DNAJC8: variants seen among roughly 807,000 people sequenced by gnomAD.
DNAJC8 encodes the protein DnaJ heat shock protein family (Hsp40) member C8.
Under a neutral mutation model 43.2 loss-of-function variants are expected in DNAJC8, and 24 were observed. The ratio of observed to expected loss-of-function variants is 0.56; its 90% CI spans 0.40 to 0.78. The LOEUF is 0.78. Among genes scored for constraint, DNAJC8 ranks in the 30% least tolerant of loss-of-function variants. The probability of loss-of-function intolerance (pLI) is 0.00; values close to 1 mark genes in which losing one functional copy is unlikely to be tolerated. For missense variants in DNAJC8, 207 were observed against 299.4 expected (o/e 0.69, Z 2.28); for synonymous variants, 83 against 98.0 (o/e 0.85, Z 0.90).
intron 2 of DNAJC8, among the ~76,000 whole-genome samples, chr1:28,227,352 G>A (rs1467218758): frequency 2.1e-5 from 3 of 145,216 alleles, no homozygotes; most frequent in Non-Finnish European, 3.0e-5. Flanking sequence ...GAGGTGCAGT[G>A]AGCCAAGATT....
In DNAJC8 at chr1:28,209,966, A is replaced by T; in HGVS notation, c.399+6T>A. ...CTGTAAACACAGCAGCACTATAAAT[A>T]CTTACAGTGTGTTCCACGTATTCTT... On this transcript the variant is annotated splice_donor_region_variant and intron_variant, in intron 5 of 8. Coordinates refer to ENST00000263697, the MANE Select transcript of DNAJC8 (RefSeq NM_014280.3). 6.2e-7 allele frequency: 1 copy of T among 1,613,268 alleles called. No individual in the cohort carries two copies. Among genetic ancestry groups the T allele is most frequent in the Non-Finnish European group, 8.5e-7 (1 of 1,179,344 alleles).
chr1:28,232,704 G>A (rs1466358777), intron 1 of DNAJC8, among the ~76,000 whole-genome samples: 1 of 152,176 alleles, frequency 6.6e-6, no homozygotes, highest in African/African-American at 2.4e-5. Flanking sequence ...CACCTCCCTC[G>A]ATAGATCGAA....
At position 28,217,978 on chromosome 1, in the gene DNAJC8, T is replaced by C. The variant is rs12047665; in HGVS notation, c.181-2982A>G. On this transcript the variant is annotated intron_variant, in intron 2 of 8. Transcript: ENST00000263697. ...GGATTTTGGGGACAGTTGGGCCCAT[T>C]TGCATGTGGACTGTATGCTGGATGA... 7.7e-3 allele frequency among the ~76,000 whole-genome samples: 1,166 copies of C among 152,094 alleles called. 27 individuals carry two copies. Among genetic ancestry groups the C allele is most frequent in the African/African-American group, 0.027 (1,109 of 41,392 alleles).
intron 3 of DNAJC8, among the ~76,000 whole-genome samples, chr1:28,211,304 A>C (rs1188086162): frequency 6.6e-6 from 1 of 152,238 alleles, no homozygotes; most frequent in Non-Finnish European, 1.5e-5. Context: ...CCAAAATCCA[A>C]AAGGCTCCAA....
intron 1 of DNAJC8, among the ~76,000 whole-genome samples, chr1:28,229,767 C>A (rs1353999767): frequency 2.7e-5 from 4 of 149,850 alleles, no homozygotes; most frequent in African/African-American, 7.4e-5. Context: ...CAGCGAGACT[C>A]CGTCTCAAAA....
intron 3 of DNAJC8, among the ~76,000 whole-genome samples, chr1:28,212,166 T>TAAATAA (rs1443725936): frequency 0.014 from 325 of 23,862 alleles, 14 homozygotes; most frequent in Non-Finnish European, 0.024. Flanking sequence ...AATAAATAAA[T>TAAATAA]AAATATATAT....
intron 3 of DNAJC8, among the ~76,000 whole-genome samples, chr1:28,213,480 C>T (rs1646829264): frequency 6.6e-6 from 1 of 151,662 alleles, no homozygotes; most frequent in African/African-American, 2.4e-5. Context: ...AACTGTAGAT[C>T]AGAAAATGAC....
chr1:28,212,138 A>C (rs1446910625), intron 3 of DNAJC8, among the ~76,000 whole-genome samples: 1 of 139,152 alleles, frequency 7.2e-6, no homozygotes, highest in Non-Finnish European at 1.5e-5. Flanking sequence ...CCTGGGTGAC[A>C]GAGCCGGACT....
chr1:28,200,442 T>C lies in DNAJC8; in HGVS notation c.*806A>G, dbSNP rs757543826. Reference sequence around the variant, plus strand: ...TGCAGTAATTCATATTCCCATTTCATAGATGAAGAAACTAAGGTTCAGCCA... The same window carrying C: ...TGCAGTAATTCATATTCCCATTTCACAGATGAAGAAACTAAGGTTCAGCCA... On this transcript the variant is annotated 3_prime_UTR_variant, in exon 9 of 9. Transcript: ENST00000263697. 4.4e-6 allele frequency: 2 copies of C among 454,894 alleles called. No individual in the cohort carries two copies. Among genetic ancestry groups the C allele is most frequent in the Non-Finnish European group, 8.8e-6 (2 of 226,404 alleles). 28.2% of individuals were successfully genotyped at this position (454,894 alleles called of 1,614,324 possible).
chr1:28,200,966 T>C lies in DNAJC8; in HGVS notation c.*282A>G. On this transcript the variant is annotated 3_prime_UTR_variant, in exon 9 of 9. Coordinates refer to ENST00000263697, the MANE Select transcript of DNAJC8 (RefSeq NM_014280.3). ...CACAATTCAGTGAAGTACAAAACACTGAGTTACAGGCTGTGGGAAGAGAAG... is the reference window on the plus strand; with the variant it reads ...CACAATTCAGTGAAGTACAAAACACCGAGTTACAGGCTGTGGGAAGAGAAG... 2.2e-6 allele frequency: 1 copy of C among 446,102 alleles called. No individual in the cohort carries two copies. 27.6% of individuals were successfully genotyped at this position (446,102 alleles called of 1,614,324 possible).
At chr1:28,216,682 G>A (rs1344422223) in intron 2 of DNAJC8, among the ~76,000 whole-genome samples, 1 of 151,994 alleles carries the variant, frequency 6.6e-6, no homozygotes, top group Non-Finnish European at 1.5e-5. Context: ...AGATTTTGGG[G>A]ACAGCTGGGC....
At chr1:28,211,078 G>A (rs1410383806) in intron 3 of DNAJC8, among the ~76,000 whole-genome samples, 1 of 152,172 alleles carries the variant, frequency 6.6e-6, no homozygotes, top group African/African-American at 2.4e-5. Context: ...GGAAGCTAAC[G>A]TGGGAGAATC....
intron 2 of DNAJC8, among the ~76,000 whole-genome samples, chr1:28,217,399 T>A (rs1219151379): frequency 6.6e-6 from 1 of 151,962 alleles, no homozygotes; most frequent in Non-Finnish European, 1.5e-5. Flanking sequence ...GGCAGGGAGA[T>A]CACTTGAGGC....
At chr1:28,214,085 ATT>A (rs201545471) in intron 3 of DNAJC8, among the ~76,000 whole-genome samples, 2 of 150,056 alleles carry the variant, frequency 1.3e-5, no homozygotes, top group Non-Finnish European at 3.0e-5. Flanking sequence ...AACTGGAAGG[ATT>A]TTTTTTTTAA....
chr1:28,222,954 T>A (rs1646908969), intron 2 of DNAJC8, among the ~76,000 whole-genome samples: 1 of 152,030 alleles, frequency 6.6e-6, no homozygotes, highest in South Asian at 2.1e-4. Context: ...GAGGAAAGCA[T>A]CCGTGTGGAA....
intron 8 of DNAJC8, 86 bp downstream of exon 8, chr1:28,203,661 G>C: frequency 7.5e-7 from 1 of 1,337,532 alleles, no homozygotes; most frequent in African/African-American, 1.4e-5. Flanking sequence ...ACTCCCCTCT[G>C]ACTGCCCCAC....
At chr1:28,205,179 C>G (rs1381319879) in intron 7 of DNAJC8, 79 bp downstream of exon 7, 1 of 1,093,126 alleles carries the variant, frequency 9.1e-7, no homozygotes, top group African/African-American at 1.6e-5. Context: ...ATAATTCCCT[C>G]ATTAGGAAAA....
intron 1 of DNAJC8, among the ~76,000 whole-genome samples, chr1:28,229,252 G>A (rs1242535097): frequency 1.3e-5 from 2 of 152,152 alleles, no homozygotes; most frequent in Non-Finnish European, 2.9e-5. Flanking sequence ...AGATACTGCT[G>A]TTATACCCAA....
chr1:28,221,808 A>G lies in DNAJC8; in HGVS notation c.181-6812T>C, dbSNP rs545381834. ...TTTATACATCCATGTTTATAGCAAC[A>G]CTTTTCTCAATAGCTAAGATGTAGA... On this transcript the variant is annotated intron_variant, in intron 2 of 8. Coordinates refer to ENST00000263697, the MANE Select transcript of DNAJC8 (RefSeq NM_014280.3). Among the ~76,000 whole-genome samples, 3 of 152,276 alleles carry G rather than the reference A, an allele frequency of 2.0e-5. No individual in the cohort carries two copies. In the South Asian group the frequency reaches 6.2e-4, roughly 32 times the overall value.
Sources: gnomAD v4.1 joint callset for allele counts (sites outside exome capture counted in the v4.1 genomes callset) on GRCh38, gnomAD v4.1.1 for gene constraint, MANE v1.5 for transcripts, NCBI Gene and HGNC (gene_info 2026-07-23, HGNC 2026-07-21) for gene names.